Variants in DCUN1D4 observed in about 807,000 individuals in gnomAD.
DCUN1D4 encodes the protein defective in cullin neddylation 1 domain containing 4.
DCUN1D4 carries 22 observed loss-of-function variants against 47.9 expected under a neutral mutation model. That is an observed-to-expected ratio of 0.46 (90% confidence interval 0.33 to 0.66). The LOEUF is 0.66. Ranked by LOEUF, DCUN1D4 falls within the 30% of genes least tolerant of loss-of-function variation. The pLI, the probability that DCUN1D4 is intolerant of heterozygous loss-of-function variation, is 0.02. For synonymous variants in DCUN1D4, 121 were observed against 112.2 expected, an observed-to-expected ratio of 1.08 and a Z score of -0.50; for missense variants, 301 against 340.8, an observed-to-expected ratio of 0.88 and a Z score of 0.92.
rs1215215776 is a variant in DCUN1D4 at position 51,914,132 on chromosome 4, A to G, written c.*548A>G. ...TGCCAAATATCATTTGGTATACTTAACAATATTAGTGTTTTAAAATGATGA... is the reference window on the plus strand; with the variant it reads ...TGCCAAATATCATTTGGTATACTTAGCAATATTAGTGTTTTAAAATGATGA... On this transcript the variant is annotated 3_prime_UTR_variant, in exon 11 of 11. Coordinates refer to ENST00000334635, the MANE Select transcript of DCUN1D4 (RefSeq NM_001040402.3). 2 of 152,644 alleles carry G rather than the reference A, an allele frequency of 1.3e-5. No individual in the cohort carries two copies. Among genetic ancestry groups the G allele is most frequent in the Non-Finnish European group, 2.9e-5 (2 of 68,324 alleles). The allele number at this position is 152,644 out of a possible 1,614,324, so 9.5% of individuals were successfully genotyped here. A position where few individuals can be genotyped will look rare whatever the true frequency, so the allele number is the denominator to read the frequency against.
intron 1 of DCUN1D4, chr4:51,843,558 A>C: frequency 9.3e-7 from 1 of 1,076,200 alleles, no homozygotes; most frequent in Non-Finnish European, 1.1e-6. Flanking sequence ...CGTGCGATGA[A>C]GGGCCGAGAT....
intron 1 of DCUN1D4, among the ~76,000 whole-genome samples, chr4:51,855,618 T>G (rs1383236934): frequency 6.6e-6 from 1 of 152,188 alleles, no homozygotes; most frequent in African/African-American, 2.4e-5. Context: ...ACTTGAATAT[T>G]CACGAATTGT....
intron 5 of DCUN1D4, among the ~76,000 whole-genome samples, chr4:51,878,530 C>T (rs1447034076): frequency 6.6e-6 from 1 of 152,206 alleles, no homozygotes; most frequent in Non-Finnish European, 1.5e-5. Flanking sequence ...GTCATCTCCT[C>T]TCCAGACAAC....
At chr4:51,870,107 T>A (rs1390767083) in intron 3 of DCUN1D4, among the ~76,000 whole-genome samples, 1 of 152,186 alleles carries the variant, frequency 6.6e-6, no homozygotes, top group Non-Finnish European at 1.5e-5. Flanking sequence ...TGTTCGTACC[T>A]AATTAAGTAC....
chr4:51,845,570 C>T (rs1334632024), intron 1 of DCUN1D4, among the ~76,000 whole-genome samples: 2 of 152,184 alleles, frequency 1.3e-5, no homozygotes. Context: ...AACGTCACAT[C>T]CTTCACCAGT....
At chr4:51,853,953 A>C (rs2109838524) in intron 1 of DCUN1D4, among the ~76,000 whole-genome samples, 1 of 152,320 alleles carries the variant, frequency 6.6e-6, no homozygotes. Context: ...GTGCAGCATT[A>C]ACTCATTTAA....
At chr4:51,876,258 T>G (rs1335275523) in intron 4 of DCUN1D4, among the ~76,000 whole-genome samples, 1 of 152,160 alleles carries the variant, frequency 6.6e-6, no homozygotes, top group Non-Finnish European at 1.5e-5. Flanking sequence ...TGAGTTCATG[T>G]CCTTTGTAGG....
At chr4:51,834,773 C>T in the DCUN1D4 span, among the ~76,000 whole-genome samples, 1 of 152,042 alleles carries the variant, frequency 6.6e-6, no homozygotes, top group Non-Finnish European at 1.5e-5. Context: ...GGAGCAGAGG[C>T]TCCCAAAGAG....
At chr4:51,864,514 A>T (rs1725592814) in intron 3 of DCUN1D4, among the ~76,000 whole-genome samples, 1 of 152,224 alleles carries the variant, frequency 6.6e-6, no homozygotes. Context: ...GTAGTTTATA[A>T]ACAATAGAAC....
chr4:51,916,004 C>T lies in DCUN1D4; in HGVS notation c.*2420C>T, dbSNP rs1395943039. 6.6e-6 allele frequency: 1 copy of T among 151,322 alleles called. No homozygotes were observed. Among genetic ancestry groups the T allele is most frequent in the African/African-American group, 2.4e-5 (1 of 41,122 alleles). The allele number at this position is 151,322 out of a possible 1,614,324, so 9.4% of individuals were successfully genotyped here. A position where few individuals can be genotyped will look rare whatever the true frequency, so the allele number is the denominator to read the frequency against. Reference sequence around the variant, plus strand: ...TATTTCTAAGGGGAGAAAAAGGGGTCAGACAGAGTAATATGATACATTTTC... The same window carrying T: ...TATTTCTAAGGGGAGAAAAAGGGGTTAGACAGAGTAATATGATACATTTTC... On this transcript the variant is annotated 3_prime_UTR_variant, in exon 11 of 11. Coordinates refer to ENST00000334635, the MANE Select transcript of DCUN1D4 (RefSeq NM_001040402.3).
rs956754001 is a variant in DCUN1D4, at chr4:51,843,378, C to A, written c.25+111C>A. 6 of 1,374,998 alleles carry A rather than the reference C, an allele frequency of 4.4e-6. No individual in the cohort carries two copies. In the South Asian group the frequency reaches 6.2e-5, roughly 14 times the overall value. The allele number at this position is 1,374,998 out of a possible 1,614,324, so 85.2% of individuals were successfully genotyped here. ...TCGGGTCCCGAAACGCGCCGGGAGC[C>A]CCTGCCTGGGAACCACCCCTTCCCC... On this transcript the variant is annotated intron_variant, in intron 1 of 10. Transcript: ENST00000334635.
intron 3 of DCUN1D4, among the ~76,000 whole-genome samples, chr4:51,866,153 C>T (rs568504693): frequency 6.6e-6 from 1 of 152,268 alleles, no homozygotes; most frequent in East Asian, 1.9e-4. Context: ...TTCACCTGAT[C>T]ATTCCATATC....
intron 1 of DCUN1D4, among the ~76,000 whole-genome samples, chr4:51,857,822 T>C (rs750998161): frequency 3.3e-5 from 5 of 152,328 alleles, no homozygotes; most frequent in Middle Eastern, 6.8e-3. Flanking sequence ...GTGCCCTGAA[T>C]GTATTGAATT....
chr4:51,849,773 T>C (rs1723090075), intron 1 of DCUN1D4, among the ~76,000 whole-genome samples: 1 of 152,152 alleles, frequency 6.6e-6, no homozygotes, highest in Non-Finnish European at 1.5e-5. Context: ...TAGGAGCTAA[T>C]ACATAACTCC....
At chr4:51,905,533 C>A (rs781449539) in intron 8 of DCUN1D4, among the ~76,000 whole-genome samples, 4 of 152,112 alleles carry the variant, frequency 2.6e-5, no homozygotes, top group Non-Finnish European at 5.9e-5. Context: ...TATATGGATT[C>A]TTTTAAATAA....
chr4:51,893,351 G>T (rs1165033908), intron 7 of DCUN1D4, among the ~76,000 whole-genome samples: 1 of 151,990 alleles, frequency 6.6e-6, no homozygotes, highest in Non-Finnish European at 1.5e-5. Flanking sequence ...ATCTCCTTAT[G>T]ATTTTAATCC....
In DCUN1D4 at chr4:51,874,252, C is replaced by G; in HGVS notation, c.137-19C>G. The stretch of plus-strand genomic sequence containing the variant: ...ATGTAGCATACCTTAATTTTGTGCT[C>G]TTTGAATTTGTTTTGTAGGAAGTCT... On this transcript the variant is annotated intron_variant, in intron 3 of 10. Coordinates refer to ENST00000334635, the MANE Select transcript of DCUN1D4 (RefSeq NM_001040402.3). 6.3e-7 allele frequency: 1 copy of G among 1,584,292 alleles called. No homozygotes were observed. Among genetic ancestry groups the G allele is most frequent in the Non-Finnish European group, 8.6e-7 (1 of 1,158,186 alleles).
intron 8 of DCUN1D4, 129 bp from the exon 9 acceptor site, chr4:51,910,941 C>T: frequency 2.4e-6 from 2 of 849,464 alleles, no homozygotes; most frequent in South Asian, 1.5e-5. Context: ...AGTCTGGATG[C>T]AGGGTCTTTA....
chr4:51,881,955 C>T (rs1354022044), intron 5 of DCUN1D4, among the ~76,000 whole-genome samples: 1 of 152,064 alleles, frequency 6.6e-6, no homozygotes, highest in Non-Finnish European at 1.5e-5. Flanking sequence ...ATCGTTTGAG[C>T]TAAGGAGTTT....
Sources: allele counts gnomAD v4.1 joint callset (sites outside exome capture counted in the v4.1 genomes callset), GRCh38; gene constraint gnomAD v4.1.1; transcripts MANE v1.5; gene names NCBI Gene and HGNC (gene_info 2026-07-23, HGNC 2026-07-21).